The following CTNNA3 variants were observed in gnomAD, a reference collection of about 807,000 sequenced individuals.
The protein encoded by CTNNA3 is catenin alpha 3.
CTNNA3 carries 76 observed loss-of-function variants against 95.7 expected under a neutral mutation model. That is an observed-to-expected ratio of 0.79 (90% confidence interval 0.66 to 0.96). The LOEUF (loss-of-function observed/expected upper bound fraction) is 0.96. Among genes scored for constraint, CTNNA3 ranks in the 40% least tolerant of loss-of-function variants. The probability of loss-of-function intolerance (pLI) is 0.00; values close to 1 mark genes in which losing one functional copy is unlikely to be tolerated. For missense variants in CTNNA3, 1,191 were observed against 1,089.8 expected (o/e 1.09, Z -1.31); for synonymous variants, 431 against 374.4 (o/e 1.15, Z -1.74).
chr10:66,573,905 G>C (rs1022671312), intron 10 of CTNNA3, among the ~76,000 whole-genome samples: 1 of 152,034 alleles, frequency 6.6e-6, no homozygotes, highest in Non-Finnish European at 1.5e-5. Context: ...CCTTTGAAAA[G>C]CTGTACTACT....
chr10:66,223,627 A>C (rs917582809), intron 13 of CTNNA3, among the ~76,000 whole-genome samples: 1 of 152,214 alleles, frequency 6.6e-6, no homozygotes, highest in Non-Finnish European at 1.5e-5. Flanking sequence ...CATCATAAGA[A>C]AAGTGAGGTT....
chr10:67,517,901 A>G (rs1041247333), intron 5 of CTNNA3, among the ~76,000 whole-genome samples: 3 of 152,182 alleles, frequency 2.0e-5, no homozygotes, highest in African/African-American at 7.2e-5. Context: ...TAAAGAACAT[A>G]TCCATATCCT....
At chr10:66,491,108 C>T (rs1839907191) in intron 11 of CTNNA3, among the ~76,000 whole-genome samples, 1 of 152,098 alleles carries the variant, frequency 6.6e-6, no homozygotes, top group Admixed American at 6.5e-5. Flanking sequence ...GTTCCAGGAC[C>T]TTAGACATCT....
At chr10:66,714,734 C>A (rs1358355175) in intron 9 of CTNNA3, among the ~76,000 whole-genome samples, 1 of 152,100 alleles carries the variant, frequency 6.6e-6, no homozygotes, top group Non-Finnish European at 1.5e-5. Flanking sequence ...TGGGGCCCAG[C>A]CATCTGTGTT....
chr10:66,587,427 G>A (rs1468272825), intron 10 of CTNNA3, among the ~76,000 whole-genome samples: 1 of 152,088 alleles, frequency 6.6e-6, no homozygotes, highest in Non-Finnish European at 1.5e-5. Flanking sequence ...TCTCAGGTAG[G>A]TAATGGGTAG....
intron 12 of CTNNA3, among the ~76,000 whole-genome samples, chr10:66,293,445 C>G (rs2091722857): frequency 6.7e-6 from 1 of 149,180 alleles, no homozygotes; most frequent in Admixed American, 6.7e-5. Flanking sequence ...GAAAAAAAAG[C>G]TAAAAGTTAG....
intron 10 of CTNNA3, among the ~76,000 whole-genome samples, chr10:66,544,821 C>A (rs529428958): frequency 1.2e-4 from 18 of 152,210 alleles, no homozygotes; most frequent in African/African-American, 4.3e-4. Context: ...TCTTGCATTT[C>A]ATGGAAAAGA....
At chr10:65,977,697 G>A (rs894489342) in intron 16 of CTNNA3, among the ~76,000 whole-genome samples, 1 of 152,034 alleles carries the variant, frequency 6.6e-6, no homozygotes, top group East Asian at 1.9e-4. Flanking sequence ...CACGAGAATC[G>A]CTTGAACCTG....
intron 11 of CTNNA3, among the ~76,000 whole-genome samples, chr10:66,449,398 C>T (rs1312075207): frequency 2.0e-5 from 3 of 152,008 alleles, no homozygotes; most frequent in Admixed American, 2.0e-4. Context: ...ACCACAGGCA[C>T]GGTGCTGGAT....
chr10:66,400,229 A>T (rs1205558597), intron 11 of CTNNA3, among the ~76,000 whole-genome samples: 1 of 152,132 alleles, frequency 6.6e-6, no homozygotes, highest in African/African-American at 2.4e-5. Flanking sequence ...ATAAGGTTCA[A>T]GAGAATTACC....
chr10:67,353,439 T>C (rs1481946923), intron 5 of CTNNA3, among the ~76,000 whole-genome samples: 1 of 151,980 alleles, frequency 6.6e-6, no homozygotes, highest in Admixed American at 6.6e-5. Context: ...CAATTTATTA[T>C]TGTATTTTAA....
intron 11 of CTNNA3, among the ~76,000 whole-genome samples, chr10:66,416,699 T>C (rs1004524595): frequency 2.0e-5 from 3 of 152,004 alleles, no homozygotes; most frequent in South Asian, 2.1e-4. Context: ...TAAGATACTA[T>C]ATCTAACAAA....
intron 11 of CTNNA3, among the ~76,000 whole-genome samples, chr10:66,380,240 C>A (rs1227258940): frequency 6.6e-6 from 1 of 151,872 alleles, no homozygotes; most frequent in African/African-American, 2.4e-5. Context: ...TATGTGCTGA[C>A]TATGTGTGTG....
intron 15 of CTNNA3, among the ~76,000 whole-genome samples, chr10:66,000,109 T>C (rs1460593485): frequency 6.6e-6 from 1 of 152,130 alleles, no homozygotes; most frequent in Admixed American, 6.6e-5. Flanking sequence ...TTTAAAACAT[T>C]ATGGGTTAGA....
At position 66,497,613 on chromosome 10, in the gene CTNNA3, C is replaced by T. The variant is rs146079068; in HGVS notation, c.1531+23004G>A. Among the ~76,000 whole-genome samples, 153 of 152,072 alleles carry T rather than the reference C, an allele frequency of 1.0e-3. 1 individual carries two copies. The highest frequency in any genetic ancestry group is 3.3e-3 in the African/African-American group (135 of 41,528). On this transcript the variant is annotated intron_variant, in intron 11 of 17. Coordinates refer to ENST00000433211, the MANE Select transcript of CTNNA3 (RefSeq NM_013266.4). ...GATTAGAAAAGAGCACTGTATAGGG[C>T]TAATGTTTCATTTAATTATAATCAA...
At chr10:67,333,578 C>T (rs1028278483) in intron 5 of CTNNA3, among the ~76,000 whole-genome samples, 1 of 152,094 alleles carries the variant, frequency 6.6e-6, no homozygotes, top group Non-Finnish European at 1.5e-5. Flanking sequence ...ATAGCAATAA[C>T]TCAGAAACCT....
At chr10:66,929,355 G>A (rs371811586) in intron 7 of CTNNA3, among the ~76,000 whole-genome samples, 235 of 152,326 alleles carry the variant, frequency 1.5e-3, no homozygotes, top group African/African-American at 5.5e-3. Flanking sequence ...GTGGTTGAGA[G>A]CTTACCAGAA....
At chr10:66,909,154 A>C (rs771516375) in intron 7 of CTNNA3, among the ~76,000 whole-genome samples, 3 of 152,148 alleles carry the variant, frequency 2.0e-5, no homozygotes, top group Admixed American at 6.5e-5. Flanking sequence ...AAACAGCTCC[A>C]AATAAGGAAT....
chr10:66,957,075 C>T (rs554705761), intron 7 of CTNNA3, among the ~76,000 whole-genome samples: 2 of 152,236 alleles, frequency 1.3e-5, no homozygotes, highest in East Asian at 3.9e-4. Flanking sequence ...GAATTCATGA[C>T]ATGTATCTAT....
Sources: gnomAD v4.1 joint callset for allele counts (sites outside exome capture counted in the v4.1 genomes callset) on GRCh38, gnomAD v4.1.1 for gene constraint, MANE v1.5 for transcripts, NCBI Gene and HGNC (gene_info 2026-07-23, HGNC 2026-07-21) for gene names.